LETM1: variants seen among roughly 807,000 people sequenced by gnomAD.
The protein encoded by LETM1 is mitochondrial proton/calcium exchanger protein.
LETM1 carries 50 observed loss-of-function variants against 74.5 expected under a neutral mutation model. That is an observed-to-expected ratio of 0.67 (90% CI 0.53 to 0.85). LETM1 has a LOEUF of 0.85. LETM1 is among the 40% of genes least tolerant of loss of function. LETM1 has a pLI of 0.00. For synonymous variants in LETM1, 446 were observed against 407.1 expected (o/e 1.10, Z -1.15); for missense variants, 824 against 967.8 (o/e 0.85, Z 1.97).
intron 11 of LETM1, among the ~76,000 whole-genome samples, chr4:1,819,123 G>C (rs1181447478): frequency 1.3e-5 from 2 of 151,520 alleles, no homozygotes; most frequent in Non-Finnish European, 2.9e-5. Context: ...TCTGTGGCCA[G>C]AACGGCACAC....
Position 1,842,258 on chromosome 4 carries a change from A to C in LETM1, c.144-461T>G, listed in dbSNP as rs148407761. ...TGGAAAGATCCGTGGCTCTTGAACAAGTCCTGCAAATCAGTAAGGGTGCTC... is the reference window on the plus strand; with the variant it reads ...TGGAAAGATCCGTGGCTCTTGAACACGTCCTGCAAATCAGTAAGGGTGCTC... On this transcript the variant is annotated intron_variant, in intron 2 of 13. Transcript: ENST00000302787. Among the ~76,000 whole-genome samples, 1,147 of 152,274 alleles carry C rather than the reference A, an allele frequency of 7.5e-3. 14 individuals are homozygous for C. The highest frequency in any genetic ancestry group is 0.026 in the African/African-American group (1,074 of 41,544).
At chr4:1,827,845 T>G (rs1351757488) in intron 6 of LETM1, among the ~76,000 whole-genome samples, 1 of 149,010 alleles carries the variant, frequency 6.7e-6, no homozygotes. Context: ...GAGGGGCTCC[T>G]CACTTCCCAG....
Position 1,834,851 on chromosome 4 carries a change from G to A in LETM1, c.870C>T (p.Phe290=). Residue 290 remains phenylalanine, a synonymous_variant, in exon 5 of 14, where the codon TTC becomes TTT. Coordinates refer to ENST00000302787, the MANE Select transcript of LETM1 (RefSeq NM_012318.3). This position sits in a 1 kb window ranked among gnomAD's most constrained non-coding sequence, Gnocchi z 5.0. ...CTCAGACGTATCACAGCACCTTCTG[G>A]AAAAACACAGAGAAGTCTTTGGTGG... is the stretch of plus-strand genomic sequence containing the variant. ...GSATKDFSVF[F]QKIRETGERP... is the part of the protein sequence containing the mutation. 6.2e-7 allele frequency: 1 copy of A among 1,614,126 alleles called. No homozygotes were observed. Among genetic ancestry groups the A allele is most frequent in the African/African-American group, 1.3e-5 (1 of 75,038 alleles).
intron 2 of LETM1, among the ~76,000 whole-genome samples, chr4:1,844,825 G>A (rs767726944): frequency 3.4e-5 from 5 of 148,648 alleles, no homozygotes; most frequent in East Asian, 4.0e-4. Flanking sequence ...AGGCAGGAGC[G>A]CTGCTCAAGT....
chr4:1,816,406 G>A (rs899709877), intron 12 of LETM1, among the ~76,000 whole-genome samples: 3 of 152,242 alleles, frequency 2.0e-5, no homozygotes, highest in Non-Finnish European at 2.9e-5. Context: ...AGCGTGGGTG[G>A]GGTCAGGAAG....
chr4:1,840,394 G>C (rs936688050), intron 3 of LETM1, among the ~76,000 whole-genome samples: 2 of 150,684 alleles, frequency 1.3e-5, no homozygotes, highest in African/African-American at 4.9e-5. Flanking sequence ...AAGGTTGGGC[G>C]CGGTGGTTCA....
At chr4:1,848,632 C>T (rs1445256172) in intron 2 of LETM1, among the ~76,000 whole-genome samples, 2 of 141,104 alleles carry the variant, frequency 1.4e-5, no homozygotes, top group Non-Finnish European at 3.0e-5. Flanking sequence ...AGGAGAATCA[C>T]TTGAACCTGG....
rs559842022 is a variant in LETM1 at position 1,836,873 on chromosome 4, C to T, written c.595-301G>A. On this transcript the variant is annotated intron_variant, in intron 3 of 13. Transcript: ENST00000302787. The surrounding 1 kb of genome is among the most constrained non-coding windows in gnomAD (Gnocchi z 5.8). ...AGGACACCGGCCAGCACTCTGGGCTCGGGGGCCAGCAAGTGAGGGCTGCAG... is the reference window on the plus strand; with the variant it reads ...AGGACACCGGCCAGCACTCTGGGCTTGGGGGCCAGCAAGTGAGGGCTGCAG... Among the ~76,000 whole-genome samples, 2 of 152,132 alleles carry T rather than the reference C, an allele frequency of 1.3e-5. No homozygotes were observed. Among genetic ancestry groups the T allele is most frequent in the South Asian group, 2.1e-4 (1 of 4,794 alleles).
At chr4:1,843,261 C>T (rs1171687576) in intron 2 of LETM1, 1 of 152,688 alleles carries the variant, frequency 6.5e-6, no homozygotes, top group Admixed American at 6.5e-5. Flanking sequence ...CATGGGAACA[C>T]CCACCAACGA....
chr4:1,855,916 C>G lies in LETM1; in HGVS notation c.35G>C (p.Arg12Pro), dbSNP rs1220009325. Residue 12 changes from arginine (R) to proline (P), a missense_variant, in exon 1 of 14, where the codon CGG becomes CCG. Around this residue, in one of 4 missense-constraint regions of LETM1, gnomAD observed 222 missense variants for 195.6 expected, o/e 1.14. Transcript: ENST00000302787. The part of the protein sequence containing the change: ...ASILLRSCRG[R>P]APARLPPPPR... ...CGGCGGCGGGAGGCGGGCGGGCGCC[C>G]GGCCGCGGCAGCTCCTCAGTAAGAT... 9 of 1,237,216 alleles carry G rather than the reference C, an allele frequency of 7.3e-6. No individual in the cohort carries two copies. The highest frequency in any genetic ancestry group is 4.2e-5 in the Admixed American group (1 of 23,558). 76.6% of individuals were successfully genotyped at this position (1,237,216 alleles called of 1,614,324 possible).
intron 5 of LETM1, 90 bp from the exon 6 acceptor site, chr4:1,833,037 C>T (rs773763533): frequency 9.1e-5 from 106 of 1,169,500 alleles, no homozygotes; most frequent in Non-Finnish European, 1.2e-4. Flanking sequence ...GGTGCTGCCT[C>T]TCATCCTCAG....
chr4:1,837,985 G>A (rs903652383), intron 3 of LETM1, among the ~76,000 whole-genome samples: 3 of 152,026 alleles, frequency 2.0e-5, no homozygotes, highest in African/African-American at 4.8e-5. Context: ...GATTACAGGC[G>A]TGAGCCACCA....
rs1215881479 is a variant in LETM1, at chr4:1,812,668, T to C, written c.*1756A>G. The C allele has an allele frequency of 1.4e-5, 2 of 146,364 alleles. No homozygotes were observed. The highest frequency in any genetic ancestry group is 1.9e-4 in the East Asian group (1 of 5,238). The allele number at this position is 146,364 out of a possible 1,614,324, so 9.1% of individuals were successfully genotyped here. A position where few individuals can be genotyped will look rare whatever the true frequency, so the allele number is the denominator to read the frequency against. ...ATGCACACAGAACGATGAGGGAGAA[T>C]GACGAGGGAGAATGACGAGGGAGCA... is the stretch of plus-strand genomic sequence containing the variant. On this transcript the variant is annotated 3_prime_UTR_variant, in exon 14 of 14. Transcript: ENST00000302787.
intron 13 of LETM1, 58 bp downstream of exon 13, chr4:1,815,605 GC>G (rs551074684): frequency 1.3e-4 from 200 of 1,594,878 alleles, no homozygotes; most frequent in Non-Finnish European, 1.7e-4. Context: ...CAGTCCCCCT[GC>G]CCCACCCCAC....
chr4:1,820,720 G>A (rs1419992294), intron 10 of LETM1, among the ~76,000 whole-genome samples: 1 of 152,160 alleles, frequency 6.6e-6, no homozygotes, highest in Admixed American at 6.5e-5. Flanking sequence ...TGTTAATATG[G>A]AAATTACATT....
At chr4:1,848,333 G>A (rs1248448400) in intron 2 of LETM1, among the ~76,000 whole-genome samples, 2 of 152,118 alleles carry the variant, frequency 1.3e-5, no homozygotes, top group Admixed American at 6.5e-5. Flanking sequence ...CGGATCACGA[G>A]GTCAGGAGAT....
In LETM1 at chr4:1,849,136, C is replaced by CTGAT; in HGVS notation, c.143+9_143+12dup. On this transcript the variant is annotated intron_variant, in intron 2 of 13. Coordinates refer to ENST00000302787, the MANE Select transcript of LETM1 (RefSeq NM_012318.3). ...TCAAACAGACAGGTGCAGAGTGATA[C>CTGAT]TGATTTACTCACAGGCAGTTCCTCA... is the stretch of plus-strand genomic sequence containing the variant. 1.3e-6 allele frequency: 2 copies of CTGAT among 1,599,008 alleles called. No homozygotes were observed. The highest frequency in any genetic ancestry group is 4.5e-5 in the East Asian group (2 of 44,792).
chr4:1,822,529 T>C, intron 9 of LETM1: 1 of 412,368 alleles, frequency 2.4e-6, no homozygotes, highest in Non-Finnish European at 4.1e-6. Context: ...ACCTTATCCA[T>C]CTCTGGTCTC....
chr4:1,818,316 A>C (rs989266072), intron 11 of LETM1, among the ~76,000 whole-genome samples: 2 of 152,192 alleles, frequency 1.3e-5, no homozygotes, highest in Non-Finnish European at 2.9e-5. Flanking sequence ...AACAGTTTTT[A>C]AAAAATCGTA....
Sources: gnomAD v4.1 joint callset for allele counts (sites outside exome capture counted in the v4.1 genomes callset) on GRCh38, gnomAD v4.1.1 for gene constraint, gnomAD v4.1.1 regional missense constraint, Gnocchi (gnomAD v3.1) non-coding constraint, MANE v1.5 for transcripts, NCBI Gene and HGNC (gene_info 2026-07-23, HGNC 2026-07-21) for gene names.